The following STAU1 variants were observed in gnomAD, a reference collection of about 807,000 sequenced individuals.
STAU1 encodes staufen double-stranded RNA binding protein 1, also known as double-stranded RNA-binding protein Staufen homolog 1.
A neutral mutation model predicts 62.9 loss-of-function variants in STAU1; 13 were observed. The ratio of observed to expected loss-of-function variants is 0.21; its 90% CI spans 0.13 to 0.33. The LOEUF (loss-of-function observed/expected upper bound fraction) is 0.33. Ranked by LOEUF, STAU1 falls within the 10% of genes least tolerant of loss-of-function variation. The pLI is 1.00. For missense variants in STAU1, 571 were observed against 712.1 expected, an observed-to-expected ratio of 0.80 and a Z score of 2.25; for synonymous variants, 269 against 265.1, an observed-to-expected ratio of 1.01 and a Z score of -0.14.
intron 3 of STAU1, among the ~76,000 whole-genome samples, chr20:49,154,856 G>A (rs1284731973): frequency 1.1e-4 from 17 of 151,494 alleles, no homozygotes; most frequent in Admixed American, 4.0e-4. Flanking sequence ...AGGCCGAGGC[G>A]GGTGGATCAC....
At chr20:49,153,266 AAAG>A (rs1378024328) in intron 4 of STAU1, among the ~76,000 whole-genome samples, 1 of 144,640 alleles carries the variant, frequency 6.9e-6, no homozygotes, top group African/African-American at 2.5e-5. Flanking sequence ...AAAAAAAAAA[AAAG>A]AAGCACAAAG....
chr20:49,195,488 A>T, the STAU1 span, among the ~76,000 whole-genome samples: 1 of 127,882 alleles, frequency 7.8e-6, no homozygotes, highest in East Asian at 2.8e-4. Flanking sequence ...GTGAGCCGAG[A>T]TCGTGCCACT....
the STAU1 span, among the ~76,000 whole-genome samples, chr20:49,199,504 C>T: frequency 6.6e-6 from 1 of 151,802 alleles, no homozygotes; most frequent in East Asian, 2.0e-4. Context: ...GCTGGGATTA[C>T]AGGCCTGAGC....
intron 3 of STAU1, among the ~76,000 whole-genome samples, chr20:49,164,250 C>T (rs374747660): frequency 1.3e-5 from 2 of 151,922 alleles, no homozygotes; most frequent in East Asian, 1.9e-4. Flanking sequence ...AAATAGGCAT[C>T]CCAAAACACT....
chr20:49,217,379 T>A, the STAU1 span, among the ~76,000 whole-genome samples: 5 of 151,778 alleles, frequency 3.3e-5, no homozygotes, highest in Non-Finnish European at 7.4e-5. Flanking sequence ...ATGAGTCAGG[T>A]ATAGAAGGGT....
the STAU1 span, among the ~76,000 whole-genome samples, chr20:49,206,087 G>A: frequency 1.3e-5 from 2 of 149,480 alleles, no homozygotes; most frequent in South Asian, 2.1e-4. Flanking sequence ...GGGTTCAAGC[G>A]ATTCTCTGCC....
chr20:49,125,210 A>C (rs868440634), intron 6 of STAU1, among the ~76,000 whole-genome samples: 9 of 144,558 alleles, frequency 6.2e-5, no homozygotes, highest in Admixed American at 4.1e-4. Flanking sequence ...AAAAAAAAAA[A>C]AAAAAAAAAA....
rs1485960229 is a variant in STAU1 at position 49,138,986 on chromosome 20, A to T, written c.511-3055T>A. ...TAATAGTTAAATAGATATTAAACTT[A>T]AAAAAAAAATACTGTAAGCTTGTTC... On this transcript the variant is annotated intron_variant, in intron 5 of 13. Transcript: ENST00000371856. 2.7e-5 allele frequency among the ~76,000 whole-genome samples: 4 copies of T among 147,802 alleles called. 1 individual carries two copies. The highest frequency in any genetic ancestry group is 1.5e-5 in the Non-Finnish European group (1 of 67,272).
At chr20:49,131,109 T>C (rs2092738624) in intron 6 of STAU1, among the ~76,000 whole-genome samples, 1 of 152,048 alleles carries the variant, frequency 6.6e-6, no homozygotes, top group Non-Finnish European at 1.5e-5. Flanking sequence ...CCAGACCTAA[T>C]CATAAGTAAT....
At chr20:49,200,932 A>G in the STAU1 span, among the ~76,000 whole-genome samples, 1 of 149,124 alleles carries the variant, frequency 6.7e-6, no homozygotes, top group Non-Finnish European at 1.5e-5. Context: ...TCAGCTGCTC[A>G]GGAGGCTGAG....
At chr20:49,205,550 G>A in the STAU1 span, among the ~76,000 whole-genome samples, 26 of 151,722 alleles carry the variant, frequency 1.7e-4, no homozygotes, top group Non-Finnish European at 2.9e-5. Context: ...ATTTTTAGTA[G>A]AGACGGGGTT....
At chr20:49,123,639 G>A (rs2092521726) in intron 7 of STAU1, among the ~76,000 whole-genome samples, 1 of 152,104 alleles carries the variant, frequency 6.6e-6, no homozygotes, top group African/African-American at 2.4e-5. Flanking sequence ...TTTTAAAAAA[G>A]CTCAAGCTGA....
intron 5 of STAU1, among the ~76,000 whole-genome samples, chr20:49,142,656 A>AT (rs995052831): frequency 2.6e-5 from 4 of 152,070 alleles, no homozygotes; most frequent in African/African-American, 4.8e-5. Flanking sequence ...GTATTTGTTT[A>AT]TTTTTTAAAT....
chr20:49,118,304 G>C (rs1240306019), intron 10 of STAU1, 29 bp downstream of exon 10: 2 of 1,592,970 alleles, frequency 1.3e-6, no homozygotes, highest in East Asian at 4.5e-5. Flanking sequence ...ATCACGTTCA[G>C]AGGAAGACGA....
chr20:49,136,129 C>CAAAAACAA, intron 5 of STAU1, among the ~76,000 whole-genome samples, 198 bp from the exon 6 acceptor site: 2 of 151,946 alleles, frequency 1.3e-5, no homozygotes, highest in South Asian at 4.2e-4. Flanking sequence ...AAAACAAAAA[C>CAAAAACAA]AAAAACAAAA....
chr20:49,115,988 T>TCTGGTACTA (rs1389595238), intron 12 of STAU1, 121 bp from the exon 13 acceptor site: 1 of 705,516 alleles, frequency 1.4e-6, no homozygotes, highest in African/African-American at 1.8e-5. Context: ...CTTCTTCAAC[T>TCTGGTACTA]CTGGTACTAC....
the STAU1 span, among the ~76,000 whole-genome samples, chr20:49,199,242 T>C: frequency 2.6e-5 from 4 of 151,924 alleles, no homozygotes; most frequent in Admixed American, 2.6e-4. Context: ...GCTGATTTTT[T>C]TTATTTTGAG....
chr20:49,127,168 C>A (rs1205949910), intron 6 of STAU1, among the ~76,000 whole-genome samples: 1 of 151,794 alleles, frequency 6.6e-6, no homozygotes, highest in East Asian at 1.9e-4. Context: ...GCCTGGCCAA[C>A]ATAGTGAAAC....
intron 8 of STAU1, among the ~76,000 whole-genome samples, chr20:49,121,990 CA>C (rs1350469530): frequency 2.0e-5 from 3 of 152,198 alleles, no homozygotes; most frequent in African/African-American, 7.2e-5. Flanking sequence ...TCATCTTGGG[CA>C]AACTACTGAT....
Sources: gnomAD v4.1 joint callset for allele counts (sites outside exome capture counted in the v4.1 genomes callset) on GRCh38, gnomAD v4.1.1 for gene constraint, MANE v1.5 for transcripts, NCBI Gene and HGNC (gene_info 2026-07-23, HGNC 2026-07-21) for gene names.